The following ZNF839 variants were observed in gnomAD, a reference collection of about 807,000 sequenced individuals.
ZNF839 encodes renal carcinoma antigen NY-REN-50.
A neutral mutation model predicts 56.4 loss-of-function variants in ZNF839; 38 were observed. The observed-to-expected ratio is 0.67, with a 90% CI of 0.52 to 0.88. The LOEUF is 0.88. Ranked by LOEUF, ZNF839 falls within the 40% of genes least tolerant of loss-of-function variation. ZNF839 has a pLI of 0.00. For synonymous variants in ZNF839, 486 were observed against 493.5 expected (o/e 0.98, Z 0.20); for missense variants, 1,091 against 1,177.6 (o/e 0.93, Z 1.08).
chr14:102,338,747 A>G, intron 5 of ZNF839, 69 bp from the exon 6 acceptor site: 2 of 1,596,922 alleles, frequency 1.3e-6, no homozygotes, highest in Non-Finnish European at 8.6e-7. Context: ...TAATTCTTGC[A>G]TGTGAATGTG....
chr14:102,322,073 C>T (rs1334591313), intron 1 of ZNF839, among the ~76,000 whole-genome samples: 1 of 152,172 alleles, frequency 6.6e-6, no homozygotes, highest in African/African-American at 2.4e-5. Context: ...TGGATGTGTG[C>T]CCTTTTTCAC....
At chr14:102,327,008 T>C in intron 2 of ZNF839, 121 bp downstream of exon 2, 1 of 1,145,368 alleles carries the variant, frequency 8.7e-7, no homozygotes. Flanking sequence ...CCATAGACTG[T>C]ACAGGAAGCA....
Position 102,331,963 on chromosome 14 carries a change from G to A in ZNF839, c.1416+117G>A, listed in dbSNP as rs541336680. On this transcript the variant is annotated intron_variant, in intron 3 of 7. Transcript: ENST00000442396. ...CCTGAAATGTCATTGCATTAAGTGT[G>A]TGATGATGCCAAGGACAGTAATATC... 2.9e-5 allele frequency: 24 copies of A among 818,012 alleles called. No homozygotes were observed. In the Admixed American group the frequency reaches 5.9e-4, roughly 20 times the overall value. The allele number at this position is 818,012 out of a possible 1,614,324, so 50.7% of individuals were successfully genotyped here.
intron 2 of ZNF839, among the ~76,000 whole-genome samples, chr14:102,327,227 G>A (rs1033230632): frequency 3.3e-5 from 5 of 152,024 alleles, no homozygotes; most frequent in Admixed American, 1.3e-4. Flanking sequence ...TGCAACCTCC[G>A]CCTCCCCAGT....
upstream of ZNF839, chr14:102,317,808 C>T (rs72698578): frequency 0.021 from 3,260 of 152,288 alleles, 69 homozygotes; most frequent in South Asian, 0.085. Flanking sequence ...TCGGAGACAT[C>T]TTAGGCTTCA....
chr14:102,329,768 A>G (rs1486020953), intron 2 of ZNF839, among the ~76,000 whole-genome samples: 2 of 146,788 alleles, frequency 1.4e-5, no homozygotes, highest in East Asian at 4.0e-4. Context: ...ATATAAGATC[A>G]TATCTGCAAA....
chr14:102,342,057 CA>C lies in ZNF839; in HGVS notation c.2663del (p.Gln888ArgfsTer18). 6.2e-7 allele frequency: 1 copy of C among 1,614,030 alleles called. No individual in the cohort carries two copies. Among genetic ancestry groups the C allele is most frequent in the Non-Finnish European group, 8.5e-7 (1 of 1,179,900 alleles). On this transcript the variant is annotated frameshift_variant, in exon 8 of 8. Transcript: ENST00000442396. LOFTEE classifies it low-confidence loss of function (END_TRUNC). ...SHELLSQGQK[Q>X]IFIQTSDGLI... Reference sequence around the variant, plus strand: ...TGAGTTACTGTCTCAGGGACAGAAGCAGATTTTTATTCAGACTTCCGATGGG... The same window carrying C: ...TGAGTTACTGTCTCAGGGACAGAAGCGATTTTTATTCAGACTTCCGATGGG...
chr14:102,337,828 TTTATA>T (rs1217730396), intron 5 of ZNF839: 1 of 152,310 alleles, frequency 6.6e-6, no homozygotes, highest in Non-Finnish European at 1.5e-5. Context: ...TGGGGTTCTC[TTTATA>T]ACATCCATGT....
intron 7 of ZNF839, 183 bp from the exon 8 acceptor site, chr14:102,341,140 T>A: frequency 2.0e-6 from 1 of 500,434 alleles, no homozygotes. Context: ...AAATCTGTCT[T>A]TGTGAATAGA....
upstream of ZNF839, among the ~76,000 whole-genome samples, chr14:102,318,035 C>T (rs1305982897): frequency 6.6e-6 from 1 of 152,218 alleles, no homozygotes; most frequent in East Asian, 1.9e-4. Flanking sequence ...AGAAGCAGCT[C>T]AACATCTACA....
upstream of ZNF839, among the ~76,000 whole-genome samples, chr14:102,318,901 G>A (rs1002228826): frequency 3.3e-5 from 5 of 152,158 alleles, no homozygotes; most frequent in Admixed American, 2.0e-4. Flanking sequence ...CCCCCAGGGC[G>A]GAAACAGCGG....
chr14:102,340,722 G>A (rs988686612), intron 7 of ZNF839, among the ~76,000 whole-genome samples: 7 of 152,214 alleles, frequency 4.6e-5, no homozygotes, highest in East Asian at 1.9e-4. Flanking sequence ...GCCTCTTTGG[G>A]TGATTCTCCA....
upstream of ZNF839, among the ~76,000 whole-genome samples, chr14:102,318,083 A>G (rs545092947): frequency 6.6e-6 from 1 of 152,354 alleles, no homozygotes; most frequent in Admixed American, 6.5e-5. Flanking sequence ...AAAAGTTCTC[A>G]ATAAATGCCA....
At position 102,335,529 on chromosome 14, in the gene ZNF839, C is replaced by T. The variant is rs80008748; in HGVS notation, c.1510-160C>T. 1,320 of 683,170 alleles carry T rather than the reference C, an allele frequency of 1.9e-3. 12 individuals are homozygous for T. The African/African-American group carries it at 0.021, about 11-fold the overall frequency. The allele number at this position is 683,170 out of a possible 1,614,324, so 42.3% of individuals were successfully genotyped here. On this transcript the variant is annotated intron_variant, in intron 4 of 7. Coordinates refer to ENST00000442396, the MANE Select transcript of ZNF839 (RefSeq NM_018335.6). ...CCCATCCTGGCTTCTCTGCACCATG[C>T]GGGGCACACAGTAGGTGCTCACTGG...
intron 1 of ZNF839, among the ~76,000 whole-genome samples, chr14:102,324,928 C>G (rs1183354146): frequency 6.6e-6 from 1 of 151,926 alleles, no homozygotes; most frequent in Non-Finnish European, 1.5e-5. Flanking sequence ...CCAGCCTGGG[C>G]GACAGAGCAA....
chr14:102,333,507 C>G (rs894286564), intron 3 of ZNF839, among the ~76,000 whole-genome samples: 3 of 152,104 alleles, frequency 2.0e-5, no homozygotes, highest in Non-Finnish European at 2.9e-5. Context: ...AAGTAATCCT[C>G]CTGGCTTGGC....
intron 1 of ZNF839, 26 bp from the exon 2 acceptor site, chr14:102,325,959 C>T (rs942176871): frequency 6.2e-7 from 1 of 1,602,554 alleles, no homozygotes; most frequent in Admixed American, 1.7e-5. Flanking sequence ...TGCTTCTTTT[C>T]TCTTTCTTGT....
intron 5 of ZNF839, among the ~76,000 whole-genome samples, chr14:102,338,585 A>G (rs1392782439): frequency 1.3e-5 from 2 of 151,358 alleles, no homozygotes; most frequent in Non-Finnish European, 2.9e-5. Context: ...CCTCCTCTAA[A>G]TTGTGCTCAC....
At chr14:102,341,285 A>C in intron 7 of ZNF839, 38 bp from the exon 8 acceptor site, 1 of 1,500,432 alleles carries the variant, frequency 6.7e-7, no homozygotes, top group Non-Finnish European at 8.9e-7. Flanking sequence ...GCCATGACAC[A>C]GTACACGCCA....
Sources: allele counts gnomAD v4.1 joint callset (sites outside exome capture counted in the v4.1 genomes callset), GRCh38; gene constraint gnomAD v4.1.1; transcripts MANE v1.5; gene names NCBI Gene and HGNC (gene_info 2026-07-23, HGNC 2026-07-21).